COBLL1: variants seen among roughly 807,000 people sequenced by gnomAD.
The protein encoded by COBLL1 is cordon-bleu protein-like 1.
COBLL1 carries 50 observed loss-of-function variants against 94.8 expected under a neutral mutation model. The ratio of observed to expected loss-of-function variants is 0.53; its 90% CI spans 0.42 to 0.67. COBLL1 has a LOEUF of 0.67. Among genes scored for constraint, COBLL1 ranks in the 30% least tolerant of loss-of-function variants. The probability of loss-of-function intolerance (pLI) is 0.00; values close to 1 mark genes in which losing one functional copy is unlikely to be tolerated. For synonymous variants in COBLL1, 448 were observed against 473.8 expected (o/e 0.95, Z 0.71); for missense variants, 1,362 against 1,348.7 (o/e 1.01, Z -0.15).
At chr2:164,818,098 A>G (rs992566804) in intron 2 of COBLL1, among the ~76,000 whole-genome samples, 3 of 151,552 alleles carry the variant, frequency 2.0e-5, no homozygotes, top group Admixed American at 6.6e-5. Context: ...ATATGTATAT[A>G]CACACATATA....
At chr2:164,701,214 T>G (rs1046440350) in intron 9 of COBLL1, among the ~76,000 whole-genome samples, 14 of 152,134 alleles carry the variant, frequency 9.2e-5, no homozygotes, top group African/African-American at 3.4e-4. Context: ...CCAACTATAC[T>G]TGAGAATTAC....
intron 3 of COBLL1, chr2:164,743,423 C>A: frequency 3.5e-6 from 1 of 286,624 alleles, no homozygotes; most frequent in Non-Finnish European, 6.5e-6. Context: ...TTTTTAAAAA[C>A]TTGTTAAATA....
At chr2:164,686,458 C>T (rs536006701) in intron 13 of COBLL1, among the ~76,000 whole-genome samples, 4 of 152,032 alleles carry the variant, frequency 2.6e-5, no homozygotes, top group Non-Finnish European at 5.9e-5. Flanking sequence ...TATAAATTAA[C>T]GTGAAATCCC....
chr2:164,818,060 A>G (rs1396963233), intron 2 of COBLL1, among the ~76,000 whole-genome samples: 1 of 151,870 alleles, frequency 6.6e-6, no homozygotes, highest in East Asian at 1.9e-4. Flanking sequence ...ATTCCACTGG[A>G]AAACACACAT....
intron 2 of COBLL1, among the ~76,000 whole-genome samples, chr2:164,760,606 A>G (rs1687632648): frequency 6.6e-6 from 1 of 152,220 alleles, no homozygotes; most frequent in African/African-American, 2.4e-5. Flanking sequence ...TAGCATTAGT[A>G]TCGATGTCAC....
chr2:164,818,717 A>ATATGTACTTATGTAAACATATATAG lies in COBLL1; in HGVS notation c.41+22438_41+22439insCTATATATGTTTACATAAGTACATA, dbSNP rs1559046973. On this transcript the variant is annotated intron_variant, in intron 2 of 13. Transcript: ENST00000652658. ...ATGTACTTATGTAAACATATATAGT[A>ATATGTACTTATGTAAACATATATAG]TATATATATGTACTTATGTAAACAT... Among the ~76,000 whole-genome samples the ATATGTACTTATGTAAACATATATAG allele has an allele frequency of 4.7e-3, 374 of 79,996 alleles. 4 individuals are homozygous for ATATGTACTTATGTAAACATATATAG. Among genetic ancestry groups the ATATGTACTTATGTAAACATATATAG allele is most frequent in the African/African-American group, 0.018 (323 of 17,866 alleles). The allele number at this position is 79,996 out of a possible 152,430, so 52.5% of individuals were successfully genotyped here. A position where few individuals can be genotyped will look rare whatever the true frequency, so the allele number is the denominator to read the frequency against.
intron 2 of COBLL1, among the ~76,000 whole-genome samples, chr2:164,751,653 G>A (rs1687132263): frequency 6.6e-6 from 1 of 152,022 alleles, no homozygotes. Context: ...CATAGAACAT[G>A]GGACAATTAC....
intron 2 of COBLL1, among the ~76,000 whole-genome samples, chr2:164,808,413 T>C (rs1684303131): frequency 6.6e-6 from 1 of 152,168 alleles, no homozygotes; most frequent in African/African-American, 2.4e-5. Flanking sequence ...TTCTGTCTCC[T>C]TTTGTTTTCA....
intron 11 of COBLL1, among the ~76,000 whole-genome samples, chr2:164,699,106 A>G (rs1213325361): frequency 1.3e-5 from 2 of 151,978 alleles, no homozygotes; most frequent in African/African-American, 4.8e-5. Context: ...TTTTAACAAC[A>G]AAAGTAGTAC....
intron 13 of COBLL1, among the ~76,000 whole-genome samples, 173 bp from the exon 14 acceptor site, chr2:164,686,205 AAGAG>A (rs946735414): frequency 1.3e-5 from 2 of 152,242 alleles, no homozygotes; most frequent in African/African-American, 2.4e-5. Context: ...AAAATTTAAA[AAGAG>A]AGAGTCGTTA....
At chr2:164,791,619 ACTTCT>A (rs1437575599) in intron 2 of COBLL1, among the ~76,000 whole-genome samples, 10 of 152,128 alleles carry the variant, frequency 6.6e-5, no homozygotes, top group Non-Finnish European at 1.5e-4. Flanking sequence ...AATCCTAAAT[ACTTCT>A]CTTCTCAGGC....
Position 164,841,313 on chromosome 2 carries a change from CT to C in COBLL1, c.-50-68del, listed in dbSNP as rs1222282358. The C allele has an allele frequency of 1.7e-6, 2 of 1,212,008 alleles. No homozygotes were observed. The highest frequency in any genetic ancestry group is 3.2e-5 in the African/African-American group (2 of 63,482). 75.1% of individuals were successfully genotyped at this position (1,212,008 alleles called of 1,614,324 possible). ...CTTCCCGAGGCCGGAGCGAAGCTGG[CT>C]GAGCGTCAAGAGCCCGCCCGAGCCG... On this transcript the variant is annotated intron_variant, in intron 1 of 13. Coordinates refer to ENST00000652658, the MANE Select transcript of COBLL1 (RefSeq NM_001365672.2). The surrounding 1 kb of genome is among the most constrained non-coding windows in gnomAD (Gnocchi z 5.5).
intron 2 of COBLL1, among the ~76,000 whole-genome samples, chr2:164,826,878 G>GT (rs1353620758): frequency 7.3e-5 from 10 of 136,592 alleles, no homozygotes; most frequent in Non-Finnish European, 1.1e-4. Flanking sequence ...TTTCTTTAAA[G>GT]TTTTTTGTCT....
intron 2 of COBLL1, among the ~76,000 whole-genome samples, chr2:164,744,915 A>G (rs1399290323): frequency 6.6e-6 from 1 of 152,234 alleles, no homozygotes; most frequent in Non-Finnish European, 1.5e-5. Flanking sequence ...GGATTGAAAA[A>G]ATAAAATATG....
At chr2:164,798,064 G>T (rs1180359939) in intron 2 of COBLL1, among the ~76,000 whole-genome samples, 1 of 152,076 alleles carries the variant, frequency 6.6e-6, no homozygotes, top group Non-Finnish European at 1.5e-5. Flanking sequence ...AAACAAAGTG[G>T]CCAACAAATG....
At chr2:164,758,979 G>T (rs1018119814) in intron 2 of COBLL1, among the ~76,000 whole-genome samples, 3 of 151,608 alleles carry the variant, frequency 2.0e-5, no homozygotes, top group Admixed American at 2.0e-4. Context: ...CACACACTAG[G>T]TTAGAAACCT....
intron 2 of COBLL1, among the ~76,000 whole-genome samples, chr2:164,751,803 A>G (rs901116726): frequency 3.3e-5 from 5 of 152,078 alleles, no homozygotes; most frequent in African/African-American, 1.2e-4. Context: ...TGGTTTTCCT[A>G]TTTGGGGAAG....
intron 12 of COBLL1, 142 bp downstream of exon 12, chr2:164,694,127 C>T: frequency 1.3e-6 from 1 of 787,806 alleles, no homozygotes; most frequent in Non-Finnish European, 2.0e-6. Context: ...TTATGTATCA[C>T]CACTCTCTTC....
At chr2:164,828,856 G>C (rs987499191) in intron 2 of COBLL1, among the ~76,000 whole-genome samples, 2 of 151,998 alleles carry the variant, frequency 1.3e-5, no homozygotes, top group African/African-American at 2.4e-5. Flanking sequence ...TTTTAATGTG[G>C]CTCCTAAAAT....
Sources: allele counts gnomAD v4.1 joint callset (sites outside exome capture counted in the v4.1 genomes callset), GRCh38; gene constraint gnomAD v4.1.1; non-coding constraint Gnocchi (gnomAD v3.1); transcripts MANE v1.5; gene names NCBI Gene and HGNC (gene_info 2026-07-23, HGNC 2026-07-21).